Variants in ZNF229 observed in about 807,000 individuals in gnomAD.
ZNF229 encodes the protein zinc finger protein 229.
A neutral mutation model predicts 11.8 loss-of-function variants in ZNF229; 10 were observed. The ratio of observed to expected loss-of-function variants is 0.85; its 90% CI spans 0.52 to 1.44. The LOEUF (loss-of-function observed/expected upper bound fraction) is 1.44, where lower values mean the gene tolerates loss of function less well. Among genes scored for constraint, ZNF229 ranks in the 40% most tolerant of loss-of-function variants. ZNF229 has a pLI of 0.00. For missense variants in ZNF229, 1,045 were observed against 1,015.1 expected, an observed-to-expected ratio of 1.03 and a Z score of -0.40; for synonymous variants, 368 against 374.8, an observed-to-expected ratio of 0.98 and a Z score of 0.21.
Position 44,429,685 on chromosome 19 carries a change from TAAG to T in ZNF229, c.1093_1095del (p.Leu365del), listed in dbSNP as rs752462807. 46 of 1,614,094 alleles carry T rather than the reference TAAG, an allele frequency of 2.8e-5. No homozygotes were observed. Among genetic ancestry groups the T allele is most frequent in the East Asian group, 8.9e-5 (4 of 44,878 alleles). On this transcript the variant is annotated inframe_deletion, in exon 6 of 6. Transcript: ENST00000614049. ...CTTCCTGTGTGCACCCCTTGATGAA[TAAG>T]AAGAACCGATTTATACCTGAACCCC...
Position 44,430,508 on chromosome 19 carries a change from T to G in ZNF229, c.273A>C (p.Gln91His), listed in dbSNP as rs1284085388. The change falls in exon 6 of 6, where the codon CAA becomes CAC. Residue 91 changes from glutamine to histidine, a missense_variant. Coordinates refer to ENST00000614049, the MANE Select transcript of ZNF229 (RefSeq NM_014518.4). ...DKNGKDTEYI[Q>H]DEELRFFSHK... ...GTGAAAAGAACCTTAATTCTTCATC[T>G]TGAATATACTCCGTATCCTTTCCAT... The G allele has an allele frequency of 2.5e-6, 4 of 1,614,088 alleles. No individual in the cohort carries two copies. Among genetic ancestry groups the G allele is most frequent in the Middle Eastern group, 1.7e-4 (1 of 6,058 alleles).
Position 44,428,513 on chromosome 19 carries a change from T to C in ZNF229, c.2268A>G (p.Gln756=), listed in dbSNP as rs1241457097. The C allele has an allele frequency of 6.2e-7, 1 of 1,608,320 alleles. No individual in the cohort carries two copies. The highest frequency in any genetic ancestry group is 8.5e-7 in the Non-Finnish European group (1 of 1,177,930). The change falls in exon 6 of 6, where the codon CAA becomes CAG. Residue 756 remains glutamine, a synonymous_variant. Coordinates refer to ENST00000614049, the MANE Select transcript of ZNF229 (RefSeq NM_014518.4). The part of the protein sequence containing the change: ...GKGYSQSSHL[Q]GHQRVHTGEK... ...CACCAGTGTGGACCCTCTGATGACC[T>C]TGAAGATGTGAGCTCTGACTATAGC...
chr19:44,429,720 C>A lies in ZNF229; in HGVS notation c.1061G>T (p.Cys354Phe). The change falls in exon 6 of 6, where the codon TGT becomes TTT. Residue 354 changes from cysteine to phenylalanine, a missense_variant. Coordinates refer to ENST00000614049, the MANE Select transcript of ZNF229 (RefSeq NM_014518.4). ...CGATTTATACCTGAACCCCTTTCCACAGACATCACATCTATAGGGCATGTC... is the reference window on the plus strand; with the variant it reads ...CGATTTATACCTGAACCCCTTTCCAAAGACATCACATCTATAGGGCATGTC... ...VGDMPYRCDV[C>F]GKGFRYKSVL... 1 of 1,614,140 alleles carries A rather than the reference C, an allele frequency of 6.2e-7. No individual in the cohort carries two copies. Among genetic ancestry groups the A allele is most frequent in the Non-Finnish European group, 8.5e-7 (1 of 1,180,018 alleles).
chr19:44,444,109 C>T (rs1971963942), intron 2 of ZNF229, among the ~76,000 whole-genome samples: 1 of 152,112 alleles, frequency 6.6e-6, no homozygotes. Flanking sequence ...CTTAAGGGTC[C>T]TAAGCAATTC....
rs947987396 is a variant in ZNF229 at position 44,432,280 on chromosome 19, T to G, written c.180A>C (p.Gln60His). 12 of 1,613,768 alleles carry G rather than the reference T, an allele frequency of 7.4e-6. No homozygotes were observed. In the African/African-American group the frequency reaches 1.5e-4, roughly 20 times the overall value. The stretch of plus-strand genomic sequence containing the variant: ...TCCTGAAATTCTCCTGCATCACATC[T>G]TGGTACAGCTGCCTCTGGGTAGAGT... The part of the protein sequence containing the change: ...LLDSTQRQLY[Q>H]DVMQENFRNL... The change falls in exon 5 of 6, where the codon CAA (glutamine) becomes CAC (histidine). Residue 60 changes from glutamine (Q) to histidine (H), a missense_variant. Gln to His is a conservative substitution (Grantham distance 24, BLOSUM62 0). Coordinates refer to ENST00000614049, the MANE Select transcript of ZNF229 (RefSeq NM_014518.4).
At chr19:44,433,425 G>A (rs920350574) in intron 4 of ZNF229, among the ~76,000 whole-genome samples, 4 of 152,026 alleles carry the variant, frequency 2.6e-5, no homozygotes, top group Non-Finnish European at 5.9e-5. Context: ...GTAATCCCCA[G>A]TACTAGGAAG....
intron 4 of ZNF229, among the ~76,000 whole-genome samples, chr19:44,441,937 C>T (rs553309593): frequency 6.7e-6 from 1 of 149,792 alleles, no homozygotes; most frequent in African/African-American, 2.4e-5. Flanking sequence ...CTAGAATAAT[C>T]ATAAATCTTA....
At chr19:44,441,356 C>T (rs1971905708) in intron 4 of ZNF229, among the ~76,000 whole-genome samples, 1 of 152,038 alleles carries the variant, frequency 6.6e-6, no homozygotes, top group Admixed American at 6.5e-5. Context: ...TTAAGGTACA[C>T]AGTAAAAGAA....
At chr19:44,442,329 A>G (rs1408942359) in intron 4 of ZNF229, among the ~76,000 whole-genome samples, 2 of 152,184 alleles carry the variant, frequency 1.3e-5, no homozygotes, top group African/African-American at 4.8e-5. Context: ...GGAAAGGTAG[A>G]TTATCGAATC....
chr19:44,444,469 G>T lies in ZNF229; in HGVS notation c.-177-1445C>A, dbSNP rs757479757. 2.0e-5 allele frequency among the ~76,000 whole-genome samples: 3 copies of T among 152,238 alleles called. No individual in the cohort carries two copies. The East Asian group carries it at 5.8e-4, about 29-fold the overall frequency. On this transcript the variant is annotated intron_variant, in intron 2 of 5. Transcript: ENST00000614049. ...AACTGGGGATTGCCCTTTGACCCAG[G>T]TGTGGACAACCAGGCAACACGCTAC...
chr19:44,435,755 C>T (rs1971801629), intron 4 of ZNF229, among the ~76,000 whole-genome samples: 1 of 152,170 alleles, frequency 6.6e-6, no homozygotes, highest in Non-Finnish European at 1.5e-5. Context: ...GATCTAAATT[C>T]TGAGGCATAA....
rs538508306 is a variant in ZNF229 at position 44,439,592 on chromosome 19, C to T, written c.93+2971G>A. 1.0e-3 allele frequency among the ~76,000 whole-genome samples: 156 copies of T among 152,118 alleles called. 1 individual carries two copies. The highest frequency in any genetic ancestry group is 3.5e-3 in the African/African-American group (144 of 41,502). ...CCGAGTACCTGAGATTACAGGTGTG[C>T]GCCACCATGCCCGGCTAATTTTTTT... On this transcript the variant is annotated intron_variant, in intron 4 of 5. Transcript: ENST00000614049.
At position 44,430,221 on chromosome 19, in the gene ZNF229, G is replaced by A. The variant is rs560133406; in HGVS notation, c.560C>T (p.Ser187Phe). ...CTGGTTCACAAACGCTTTTGCCCAA[G>A]ATCCTTGAATGGGGATTGGTCTTAT... ...RAIRPIPIQG[S>F]WAKAFVNQLG... Residue 187 changes from serine to phenylalanine, a missense_variant, in exon 6 of 6, where the codon TCT (serine) becomes TTT (phenylalanine). Coordinates refer to ENST00000614049, the MANE Select transcript of ZNF229 (RefSeq NM_014518.4). 1.2e-6 allele frequency: 2 copies of A among 1,614,086 alleles called. No homozygotes were observed. Among genetic ancestry groups the A allele is most frequent in the African/African-American group, 1.3e-5 (1 of 74,974 alleles).
chr19:44,439,324 T>C (rs895183138), intron 4 of ZNF229, among the ~76,000 whole-genome samples: 1 of 152,192 alleles, frequency 6.6e-6, no homozygotes, highest in African/African-American at 2.4e-5. Context: ...AATTTAAAGA[T>C]TAAAGAACAG....
intron 5 of ZNF229, chr19:44,431,665 G>T: frequency 4.4e-6 from 3 of 687,950 alleles, no homozygotes; most frequent in Non-Finnish European, 3.6e-6. Context: ...GTACCCACAG[G>T]CAAGACAAGG....
intron 4 of ZNF229, among the ~76,000 whole-genome samples, chr19:44,438,271 C>T (rs958061754): frequency 6.6e-6 from 1 of 152,064 alleles, no homozygotes; most frequent in Non-Finnish European, 1.5e-5. Context: ...CAAATATAGC[C>T]AATATACATA....
rs1385232499 is a variant in ZNF229, at chr19:44,432,363, G to A, written c.97C>T (p.Pro33Ser). The A allele has an allele frequency of 6.2e-7, 1 of 1,612,796 alleles. No homozygotes were observed. Among genetic ancestry groups the A allele is most frequent in the African/African-American group, 1.3e-5 (1 of 74,670 alleles). ...ACAGCCACGTCCTTGAAGCTCAATG[G>A]CTCCTAAAATGAAAAACCATTAACA... ...DREEKIMSQEPLSFKDVAVVF... is the reference protein window; with the variant it reads ...DREEKIMSQESLSFKDVAVVF... Residue 33 changes from proline (P) to serine (S), a missense_variant, in exon 5 of 6, where the codon CCA becomes TCA. Coordinates refer to ENST00000614049, the MANE Select transcript of ZNF229 (RefSeq NM_014518.4).
intron 4 of ZNF229, among the ~76,000 whole-genome samples, chr19:44,441,961 C>T (rs1470985229): frequency 6.6e-6 from 1 of 152,114 alleles, no homozygotes; most frequent in East Asian, 1.9e-4. Flanking sequence ...CAATGTGTAT[C>T]ATTTTGATTA....
At chr19:44,430,614 T>C (rs1971706221) in intron 5 of ZNF229, 72 bp from the exon 6 acceptor site, 1 of 1,401,174 alleles carries the variant, frequency 7.1e-7, no homozygotes, top group African/African-American at 1.4e-5. Flanking sequence ...ACTTTCAGAC[T>C]TGAACTAATA....
Sources: gnomAD v4.1 joint callset for allele counts (sites outside exome capture counted in the v4.1 genomes callset) on GRCh38, gnomAD v4.1.1 for gene constraint, MANE v1.5 for transcripts, NCBI Gene and HGNC (gene_info 2026-07-23, HGNC 2026-07-21) for gene names.